LINGO2: variants seen among roughly 807,000 people sequenced by gnomAD.
The protein encoded by LINGO2 is leucine rich repeat and Ig domain containing 2.
In LINGO2, 14 loss-of-function variants were observed where a neutral mutation model predicts 30.6. The observed-to-expected ratio is 0.46, with a 90% CI of 0.30 to 0.72. The LOEUF is 0.72. Ranked by LOEUF, LINGO2 falls within the 30% of genes least tolerant of loss-of-function variation. LINGO2 has a pLI of 0.07. For missense variants in LINGO2, 729 were observed against 751.7 expected (o/e 0.97, Z 0.35); for synonymous variants, 317 against 288.5 (o/e 1.10, Z -1.00).
At chr9:28,567,061 A>G (rs904364285) in intron 1 of LINGO2, among the ~76,000 whole-genome samples, 25 of 152,152 alleles carry the variant, frequency 1.6e-4, no homozygotes, top group Admixed American at 9.8e-4. Flanking sequence ...CAATAAACAA[A>G]TAAACCTTAT....
chr9:28,353,719 C>T (rs2134459551), intron 3 of LINGO2, among the ~76,000 whole-genome samples: 1 of 152,216 alleles, frequency 6.6e-6, no homozygotes, highest in South Asian at 2.1e-4. Context: ...TTTATTGCGG[C>T]ACTATTCACA....
At chr9:28,976,442 A>G in the LINGO2 span, among the ~76,000 whole-genome samples, 1 of 152,270 alleles carries the variant, frequency 6.6e-6, no homozygotes, top group South Asian at 2.1e-4. Context: ...AGATCATGCA[A>G]TTGATAGAGA....
chr9:28,175,254 G>A, intron 4 of LINGO2, among the ~76,000 whole-genome samples: 1 of 152,060 alleles, frequency 6.6e-6, no homozygotes, highest in East Asian at 1.9e-4. Flanking sequence ...AACCTCTGGA[G>A]GCACCCACAA....
At chr9:28,602,679 G>A (rs1825538764) in intron 1 of LINGO2, among the ~76,000 whole-genome samples, 1 of 152,022 alleles carries the variant, frequency 6.6e-6, no homozygotes, top group Admixed American at 6.6e-5. Flanking sequence ...AAGCTATTCA[G>A]AGAAATAAAA....
At chr9:29,035,004 A>G in the LINGO2 span, among the ~76,000 whole-genome samples, 4 of 152,300 alleles carry the variant, frequency 2.6e-5, no homozygotes, top group Non-Finnish European at 4.4e-5. Context: ...GTTAAATATT[A>G]TTGCTATATT....
chr9:28,071,571 A>G (rs1387720740), intron 4 of LINGO2, among the ~76,000 whole-genome samples: 3 of 151,444 alleles, frequency 2.0e-5, no homozygotes, highest in Non-Finnish European at 4.4e-5. Flanking sequence ...TACATTTATA[A>G]TCATACGAGA....
At chr9:28,626,234 C>T (rs182841010) in intron 1 of LINGO2, among the ~76,000 whole-genome samples, 2 of 152,148 alleles carry the variant, frequency 1.3e-5, no homozygotes, top group Admixed American at 1.3e-4. Flanking sequence ...AAATGAATAT[C>T]CAAATATTTT....
intron 4 of LINGO2, among the ~76,000 whole-genome samples, chr9:28,055,242 G>T (rs1326625151): frequency 6.6e-6 from 1 of 152,120 alleles, no homozygotes. Flanking sequence ...TACGAATAAG[G>T]TAGAAGCCTC....
At chr9:28,848,311 CATAT>C in the LINGO2 span, among the ~76,000 whole-genome samples, 3 of 121,968 alleles carry the variant, frequency 2.5e-5, no homozygotes, top group African/African-American at 6.2e-5. Flanking sequence ...TATATATACG[CATAT>C]ATAGTGTATA....
At chr9:29,045,363 T>A in the LINGO2 span, among the ~76,000 whole-genome samples, 1 of 152,106 alleles carries the variant, frequency 6.6e-6, no homozygotes, top group African/African-American at 2.4e-5. Flanking sequence ...TGAAGTACTA[T>A]GGAGCTGCAA....
intron 3 of LINGO2, among the ~76,000 whole-genome samples, 177 bp from the exon 6 acceptor site, chr9:28,295,543 C>T (rs1328581513): frequency 1.3e-5 from 2 of 152,220 alleles, no homozygotes; most frequent in African/African-American, 4.8e-5. Context: ...TTATGTGCTA[C>T]AAAAGGTGTT....
intron 2 of LINGO2, among the ~76,000 whole-genome samples, chr9:28,465,223 A>C: frequency 6.6e-6 from 1 of 152,184 alleles, no homozygotes; most frequent in Non-Finnish European, 1.5e-5. Context: ...GAATGAGGTC[A>C]CAAGGACTTG....
intron 5 of LINGO2, among the ~76,000 whole-genome samples, chr9:27,979,085 T>G (rs981966916): frequency 6.6e-6 from 1 of 152,000 alleles, no homozygotes; most frequent in Non-Finnish European, 1.5e-5. Context: ...CCCATATACT[T>G]AATTGCTAAA....
At chr9:28,428,658 C>T (rs908294119) in intron 2 of LINGO2, among the ~76,000 whole-genome samples, 1 of 152,074 alleles carries the variant, frequency 6.6e-6, no homozygotes, top group Non-Finnish European at 1.5e-5. Flanking sequence ...TAAAGCTTGA[C>T]TCTGCTTTTC....
At chr9:28,565,316 T>C (rs1236068629) in intron 1 of LINGO2, among the ~76,000 whole-genome samples, 1 of 150,680 alleles carries the variant, frequency 6.6e-6, no homozygotes, top group Non-Finnish European at 1.5e-5. Context: ...GCCTCCCAAG[T>C]AGCTGGGACT....
At chr9:28,489,761 G>A (rs1826315202) in intron 1 of LINGO2, among the ~76,000 whole-genome samples, 2 of 151,668 alleles carry the variant, frequency 1.3e-5, no homozygotes, top group African/African-American at 2.4e-5. Flanking sequence ...AGCTGGGGGT[G>A]GTGGTGCGTG....
chr9:28,084,498 G>A (rs1227458290), intron 4 of LINGO2, among the ~76,000 whole-genome samples: 3 of 151,912 alleles, frequency 2.0e-5, no homozygotes, highest in Admixed American at 2.0e-4. Context: ...CCTGGTATAC[G>A]CCAGGTACTT....
the LINGO2 span, among the ~76,000 whole-genome samples, chr9:28,878,542 G>C: frequency 1.3e-5 from 2 of 152,090 alleles, no homozygotes; most frequent in African/African-American, 2.4e-5. Flanking sequence ...CCAAAAAAGA[G>C]AATTTTAGAC....
At chr9:28,724,420 ACC>A in the LINGO2 span, among the ~76,000 whole-genome samples, 3 of 152,134 alleles carry the variant, frequency 2.0e-5, no homozygotes, top group African/African-American at 7.2e-5. Flanking sequence ...TCATTCAGCA[ACC>A]TGCATTAAAA....
Sources: allele counts gnomAD v4.1 joint callset (sites outside exome capture counted in the v4.1 genomes callset), GRCh38; gene constraint gnomAD v4.1.1; transcripts MANE v1.5; gene names NCBI Gene and HGNC (gene_info 2026-07-23, HGNC 2026-07-21).